The following GLRX3 variants were observed in gnomAD, a reference collection of about 807,000 sequenced individuals.
GLRX3 encodes glutaredoxin-3.
Under a neutral mutation model 49.5 loss-of-function variants are expected in GLRX3, and 22 were observed. The ratio of observed to expected loss-of-function variants is 0.44; its 90% confidence interval spans 0.32 to 0.63. The LOEUF is 0.63. GLRX3 is among the 30% of genes least tolerant of loss of function. The probability of loss-of-function intolerance (pLI) is 0.05; values close to 1 mark genes in which losing one functional copy is unlikely to be tolerated. For missense variants in GLRX3, 385 were observed against 396.3 expected, an observed-to-expected ratio of 0.97 and a Z score of 0.24; for synonymous variants, 133 against 140.0, an observed-to-expected ratio of 0.95 and a Z score of 0.35.
intron 2 of GLRX3, among the ~76,000 whole-genome samples, chr10:130,154,003 C>G (rs1471440653): frequency 6.6e-6 from 1 of 152,216 alleles, no homozygotes; most frequent in Admixed American, 6.5e-5. Flanking sequence ...ACTGCCTACT[C>G]AAGCCTCAGC....
chr10:130,149,597 AG>A (rs1384736610), intron 2 of GLRX3, among the ~76,000 whole-genome samples: 6 of 152,160 alleles, frequency 3.9e-5, no homozygotes, highest in Non-Finnish European at 8.8e-5. Context: ...TACCCAAAAT[AG>A]GAGTACACCT....
In GLRX3 at chr10:130,166,543, A is replaced by G; in HGVS notation, c.515A>G (p.His172Arg). The change falls in exon 5 of 11, where the codon CAT becomes CGT. Residue 172 changes from histidine to arginine, a missense_variant. By Grantham distance (29) the His-to-Arg change is conservative. Coordinates refer to ENST00000331244, the MANE Select transcript of GLRX3 (RefSeq NM_006541.5). ...SKQMVEILHK[H>R]NIQFSSFDIF... ...CAGATGGTGGAAATTCTTCACAAAC[A>G]TAATATTCAGTTTAGCAGTTTTGAT... The G allele has an allele frequency of 6.2e-7, 1 of 1,613,516 alleles. No homozygotes were observed. Among genetic ancestry groups the G allele is most frequent in the Non-Finnish European group, 8.5e-7 (1 of 1,179,482 alleles).
At chr10:130,175,734 G>C (rs1862904475) in intron 10 of GLRX3, among the ~76,000 whole-genome samples, 1 of 152,228 alleles carries the variant, frequency 6.6e-6, no homozygotes, top group Admixed American at 6.5e-5. Flanking sequence ...TTAATGTCTA[G>C]AATTCAGGGC....
rs60852410 is a variant in GLRX3 at position 130,169,616 on chromosome 10, C to G, written c.771+126C>G. 1.0e-5 allele frequency: 7 copies of G among 673,110 alleles called. No homozygotes were observed. In the Admixed American group the frequency reaches 1.2e-4, roughly 11 times the overall value. 41.7% of individuals were successfully genotyped at this position (673,110 alleles called of 1,614,324 possible). ...TGTAGCGATATCAGGAAGTTATCCA[C>G]GCCTTAATTGGTGCTTACGGAGATC... On this transcript the variant is annotated intron_variant, in intron 7 of 10. Coordinates refer to ENST00000331244, the MANE Select transcript of GLRX3 (RefSeq NM_006541.5).
chr10:130,151,378 AATT>A (rs1231686475), intron 2 of GLRX3, among the ~76,000 whole-genome samples: 2 of 152,044 alleles, frequency 1.3e-5, no homozygotes, highest in African/African-American at 4.8e-5. Flanking sequence ...TTTTTTTTAA[AATT>A]ATTATTATAC....
rs537016046 is a variant in GLRX3, at chr10:130,175,758, A to G, written c.957+669A>G. Among the ~76,000 whole-genome samples, 13 of 152,364 alleles carry G rather than the reference A, an allele frequency of 8.5e-5. No individual in the cohort carries two copies. The South Asian group carries it at 2.5e-3, about 29-fold the overall frequency. ...AGAATTCAGGGCAGGCCCACCAACT[A>G]ACACCTGTGTGCTCTGTAGCTCTTT... On this transcript the variant is annotated intron_variant, in intron 10 of 10. Transcript: ENST00000331244.
At chr10:130,151,169 G>A (rs1405581017) in intron 2 of GLRX3, among the ~76,000 whole-genome samples, 1 of 152,036 alleles carries the variant, frequency 6.6e-6, no homozygotes, top group South Asian at 2.1e-4. Flanking sequence ...CTCGTGATCC[G>A]CCTGCCTCGG....
At chr10:130,170,755 A>G (rs1039876729) in intron 7 of GLRX3, among the ~76,000 whole-genome samples, 1 of 152,200 alleles carries the variant, frequency 6.6e-6, no homozygotes, top group African/African-American at 2.4e-5. Flanking sequence ...TCTTTTCCAC[A>G]AGATTGCTGG....
At chr10:130,147,473 T>C (rs1214281253) in intron 2 of GLRX3, among the ~76,000 whole-genome samples, 3 of 152,236 alleles carry the variant, frequency 2.0e-5, no homozygotes, top group Non-Finnish European at 4.4e-5. Flanking sequence ...AGCCAAAGGT[T>C]GGAGGAGCCC....
intron 1 of GLRX3, among the ~76,000 whole-genome samples, chr10:130,141,219 G>T (rs1268353801): frequency 4.6e-5 from 7 of 151,756 alleles, no homozygotes; most frequent in Admixed American, 4.6e-4. Flanking sequence ...GAGGTGGGAG[G>T]ATCACCTGAG....
rs147460428 is a variant in GLRX3, at chr10:130,171,980, AT to A, written c.824+345del. Reference sequence around the variant, plus strand: ...ACCCTGTCTCAAAAAAAAGAAAAAAATATTTCAACTTTTCAGTTCTGCCACT... The same window carrying A: ...ACCCTGTCTCAAAAAAAAGAAAAAAAATTTCAACTTTTCAGTTCTGCCACT... On this transcript the variant is annotated intron_variant, in intron 8 of 10. Coordinates refer to ENST00000331244, the MANE Select transcript of GLRX3 (RefSeq NM_006541.5). Among the ~76,000 whole-genome samples the A allele has an allele frequency of 7.7e-3, 1,171 of 152,302 alleles. 19 individuals are homozygous for A. Among genetic ancestry groups the A allele is most frequent in the African/African-American group, 0.026 (1,077 of 41,560 alleles).
chr10:130,170,122 A>G (rs1455432670), intron 7 of GLRX3, among the ~76,000 whole-genome samples: 2 of 152,166 alleles, frequency 1.3e-5, no homozygotes, highest in Admixed American at 6.5e-5. Context: ...ATTTCCAGAA[A>G]CCAGCCATAC....
At chr10:130,166,781 A>G in intron 5 of GLRX3, 102 bp downstream of exon 5, 1 of 969,870 alleles carries the variant, frequency 1.0e-6, no homozygotes, top group South Asian at 1.4e-5. Context: ...ATGAATCTAT[A>G]TTTACTAATA....
Position 130,160,920 on chromosome 10 carries a change from A to G in GLRX3, c.401A>G (p.Asn134Ser), listed in dbSNP as rs201302037. The G allele has an allele frequency of 2.5e-6, 4 of 1,613,908 alleles. No individual in the cohort carries two copies. Among genetic ancestry groups the G allele is most frequent in the African/African-American group, 1.3e-5 (1 of 75,030 alleles). ...SANEHLKEDLNLRLKKLTHAA... is the reference protein window; with the variant it reads ...SANEHLKEDLSLRLKKLTHAA... ...AATGAACATCTTAAAGAAGATCTCA[A>G]CCTTCGCTTGAAGAAATTGACTCAT... Residue 134 changes from asparagine (N) to serine (S), a missense_variant, in exon 4 of 11, where the codon AAC becomes AGC. Physicochemically the swap from Asn to Ser is conservative, Grantham distance 46. Around this residue, in one of 2 missense-constraint regions of GLRX3, gnomAD observed 374 missense variants for 358.6 expected, o/e 1.04. Transcript: ENST00000331244.
chr10:130,141,695 C>T (rs1427663439), intron 1 of GLRX3, among the ~76,000 whole-genome samples: 1 of 152,212 alleles, frequency 6.6e-6, no homozygotes, highest in Non-Finnish European at 1.5e-5. Flanking sequence ...ATGTCTATCA[C>T]TTTCTCCTGT....
chr10:130,145,435 G>A lies in GLRX3; in HGVS notation c.201+116G>A, dbSNP rs548790706. The A allele has an allele frequency of 3.2e-5, 18 of 556,424 alleles. No homozygotes were observed. In the East Asian group the frequency reaches 5.0e-4, roughly 15 times the overall value. 34.5% of individuals were successfully genotyped at this position (556,424 alleles called of 1,614,324 possible). On this transcript the variant is annotated intron_variant, in intron 2 of 10. Coordinates refer to ENST00000331244, the MANE Select transcript of GLRX3 (RefSeq NM_006541.5). ...CCCAGCACTTTGGGAGGCTGAGGCG[G>A]GCAGATCACCTGAGTTCAGTAGTTT...
chr10:130,152,426 T>G (rs1205091248), intron 2 of GLRX3, among the ~76,000 whole-genome samples: 1 of 152,232 alleles, frequency 6.6e-6, no homozygotes, highest in East Asian at 1.9e-4. Context: ...TTTGGCCTGT[T>G]TTTGCAGTGG....
rs182901349 is a variant in GLRX3 at position 130,174,913 on chromosome 10, T to C, written c.864+7T>C. ...TATATTGGAGGATGAAGAAGTAAGT[T>C]CTGTGTTTGATGTTTCACCCTTGTC... On this transcript the variant is annotated splice_region_variant and intron_variant, in intron 9 of 10. Coordinates refer to ENST00000331244, the MANE Select transcript of GLRX3 (RefSeq NM_006541.5). 2.4e-4 allele frequency: 390 copies of C among 1,596,884 alleles called. No homozygotes were observed. In the African/African-American group the frequency reaches 4.2e-3, roughly 17 times the overall value.
At chr10:130,159,773 C>G in intron 2 of GLRX3, 1 of 1,275,826 alleles carries the variant, frequency 7.8e-7, no homozygotes, top group Non-Finnish European at 1.0e-6. Flanking sequence ...AAATGTGCAA[C>G]AAAATAAAAA....
Sources: gnomAD v4.1 joint callset for allele counts (sites outside exome capture counted in the v4.1 genomes callset) on GRCh38, gnomAD v4.1.1 for gene constraint, gnomAD v4.1.1 regional missense constraint, MANE v1.5 for transcripts, NCBI Gene and HGNC (gene_info 2026-07-23, HGNC 2026-07-21) for gene names.